CSMD2: variants seen among roughly 807,000 people sequenced by gnomAD.
CSMD2 encodes the protein CUB and sushi domain-containing protein 2.
A neutral mutation model predicts 398.5 loss-of-function variants in CSMD2; 130 were observed. The observed-to-expected ratio is 0.33, with a 90% CI of 0.28 to 0.38. The LOEUF (loss-of-function observed/expected upper bound fraction) is 0.38. Among genes scored for constraint, CSMD2 ranks in the 10% least tolerant of loss-of-function variants. CSMD2 has a pLI of 1.00. For missense variants in CSMD2, 3,829 were observed against 4,764.9 expected, an observed-to-expected ratio of 0.80 and a Z score of 5.78; for synonymous variants, 1,828 against 1,908.5, an observed-to-expected ratio of 0.96 and a Z score of 1.10.
intron 21 of CSMD2, among the ~76,000 whole-genome samples, chr1:33,713,004 T>C (rs556600688): frequency 3.3e-5 from 5 of 152,234 alleles, no homozygotes; most frequent in Non-Finnish European, 7.3e-5. Context: ...TATTGATAAA[T>C]ACAGATAAAA....
At position 34,165,219 on chromosome 1, in the gene CSMD2, T is replaced by C. The variant is rs1310467162; in HGVS notation, c.-122A>G. Reference sequence around the variant, plus strand: ...CCGGTACGCGGGAGCCCTGAGCTTCTGCGGCTGGAATGAACCAAGTGTCCG... The same window carrying C: ...CCGGTACGCGGGAGCCCTGAGCTTCCGCGGCTGGAATGAACCAAGTGTCCG... On this transcript the variant is annotated 5_prime_UTR_variant, in exon 1 of 71. Transcript: ENST00000373381. The C allele has an allele frequency of 6.0e-6, 7 of 1,169,012 alleles. No individual in the cohort carries two copies. The highest frequency in any genetic ancestry group is 7.4e-6 in the Non-Finnish European group (7 of 948,000). The allele number at this position is 1,169,012 out of a possible 1,614,324, so 72.4% of individuals were successfully genotyped here.
Position 33,781,492 on chromosome 1 carries a change from T to C in CSMD2, c.1663+7108A>G, listed in dbSNP as rs72879550. 1.4e-3 allele frequency among the ~76,000 whole-genome samples: 220 copies of C among 152,340 alleles called. 1 individual carries two copies. The highest frequency in any genetic ancestry group is 5.2e-3 in the African/African-American group (216 of 41,582). On this transcript the variant is annotated intron_variant, in intron 12 of 70. Coordinates refer to ENST00000373381, the MANE Select transcript of CSMD2 (RefSeq NM_001281956.2). ...ACACATCACAGGGCCTTAGAAAATG[T>C]TGAACAAACAGATGAGCTCATTTCT...
chr1:33,726,066 G>A (rs908856868), intron 16 of CSMD2, among the ~76,000 whole-genome samples: 2 of 152,182 alleles, frequency 1.3e-5, no homozygotes, highest in Admixed American at 6.5e-5. Flanking sequence ...CACTTTGTCC[G>A]GAAGAAGTTT....
At chr1:33,710,036 G>A (rs1645931769) in intron 21 of CSMD2, among the ~76,000 whole-genome samples, 1 of 152,138 alleles carries the variant, frequency 6.6e-6, no homozygotes, top group Non-Finnish European at 1.5e-5. Flanking sequence ...TTTCCCCATT[G>A]TTCTCATACC....
At chr1:34,027,700 T>C (rs899490065) in intron 3 of CSMD2, among the ~76,000 whole-genome samples, 3 of 152,234 alleles carry the variant, frequency 2.0e-5, no homozygotes, top group East Asian at 1.9e-4. Flanking sequence ...CAGAAAAACG[T>C]TGGCTTCATT....
chr1:33,740,419 C>T (rs2149248646), intron 14 of CSMD2, among the ~76,000 whole-genome samples: 1 of 152,322 alleles, frequency 6.6e-6, no homozygotes, highest in Middle Eastern at 3.4e-3. Context: ...AATTTCTTGG[C>T]CTCTGAAATT....
At chr1:33,804,876 A>G in intron 10 of CSMD2, 2 of 717,358 alleles carry the variant, frequency 2.8e-6, no homozygotes, top group East Asian at 2.7e-5. Context: ...GTTGCATTGT[A>G]TGTTCCCTGG....
chr1:34,114,669 G>C (rs1262115154), intron 1 of CSMD2, among the ~76,000 whole-genome samples: 2 of 152,102 alleles, frequency 1.3e-5, no homozygotes, highest in African/African-American at 4.8e-5. Flanking sequence ...CTCCATTCCA[G>C]CCTGGGAAAC....
intron 13 of CSMD2, among the ~76,000 whole-genome samples, chr1:33,769,961 ATATTT>A (rs1224896567): frequency 3.9e-5 from 6 of 152,108 alleles, no homozygotes; most frequent in Non-Finnish European, 8.8e-5. Context: ...GACCAACCTT[ATATTT>A]TATATTTTTA....
chr1:33,625,629 T>C (rs1363913976), intron 33 of CSMD2, among the ~76,000 whole-genome samples: 1 of 152,114 alleles, frequency 6.6e-6, no homozygotes, highest in Non-Finnish European at 1.5e-5. Context: ...CTCTGTCCTG[T>C]TTTCCCCATG....
At chr1:34,134,815 C>T (rs565975756) in intron 1 of CSMD2, among the ~76,000 whole-genome samples, 3 of 152,230 alleles carry the variant, frequency 2.0e-5, no homozygotes, top group East Asian at 1.9e-4. Flanking sequence ...AACTGGGAAA[C>T]ATGAAAAGAT....
intron 53 of CSMD2, among the ~76,000 whole-genome samples, chr1:33,566,984 A>T (rs1369559712): frequency 6.6e-6 from 1 of 152,222 alleles, no homozygotes; most frequent in Non-Finnish European, 1.5e-5. Flanking sequence ...TCTCAAGTGC[A>T]CATGGGACAT....
At chr1:33,593,541 T>C (rs903346913) in intron 44 of CSMD2, among the ~76,000 whole-genome samples, 1 of 152,132 alleles carries the variant, frequency 6.6e-6, no homozygotes, top group Non-Finnish European at 1.5e-5. Context: ...TTTAAAACCA[T>C]CAGATCTTGT....
chr1:34,025,383 G>A (rs965730730), intron 3 of CSMD2, among the ~76,000 whole-genome samples: 8 of 152,178 alleles, frequency 5.3e-5, no homozygotes, highest in African/African-American at 1.9e-4. Flanking sequence ...AAGCTTGGAT[G>A]AAAGTCAAGG....
rs577262567 is a variant in CSMD2, at chr1:33,786,210, C to T, written c.1663+2390G>A. 5.9e-5 allele frequency among the ~76,000 whole-genome samples: 9 copies of T among 152,334 alleles called. No homozygotes were observed. The East Asian group carries it at 1.3e-3, about 23-fold the overall frequency. On this transcript the variant is annotated intron_variant, in intron 12 of 70. Transcript: ENST00000373381. ...TGTTTGCTGACTAGTATTGTCATCCCTTTCAAGTTCACGCTATTTACTTCT... is the reference window on the plus strand; with the variant it reads ...TGTTTGCTGACTAGTATTGTCATCCTTTTCAAGTTCACGCTATTTACTTCT...
chr1:34,049,056 T>A (rs1369705972), intron 2 of CSMD2, among the ~76,000 whole-genome samples: 3 of 152,026 alleles, frequency 2.0e-5, no homozygotes, highest in Non-Finnish European at 4.4e-5. Context: ...GCTCCAGGGT[T>A]TTTGCTCAGG....
intron 5 of CSMD2, among the ~76,000 whole-genome samples, chr1:33,899,137 G>A (rs1300702907): frequency 6.6e-6 from 1 of 152,234 alleles, no homozygotes; most frequent in Non-Finnish European, 1.5e-5. Context: ...CATTGACAGG[G>A]CTCTCTTGAA....
chr1:34,146,840 A>G (rs948680313), intron 1 of CSMD2, among the ~76,000 whole-genome samples: 2 of 152,062 alleles, frequency 1.3e-5, no homozygotes, highest in Non-Finnish European at 2.9e-5. Context: ...AGGAATGAAG[A>G]CTTCAGTGTG....
At chr1:33,765,230 GAAC>G (rs1389750274) in intron 13 of CSMD2, among the ~76,000 whole-genome samples, 1 of 152,134 alleles carries the variant, frequency 6.6e-6, no homozygotes, top group Non-Finnish European at 1.5e-5. Context: ...AATTAATCTT[GAAC>G]AACAAACAGA....
Sources: allele counts gnomAD v4.1 joint callset (sites outside exome capture counted in the v4.1 genomes callset), GRCh38; gene constraint gnomAD v4.1.1; transcripts MANE v1.5; gene names NCBI Gene and HGNC (gene_info 2026-07-23, HGNC 2026-07-21).